LRMDA: variants seen among roughly 807,000 people sequenced by gnomAD.
LRMDA encodes the protein leucine-rich melanocyte differentiation-associated protein.
A neutral mutation model predicts 29.8 loss-of-function variants in LRMDA; 18 were observed. That is an observed-to-expected ratio of 0.60 (90% CI 0.42 to 0.90). The LOEUF is 0.90. Ranked by LOEUF, LRMDA falls within the 40% of genes least tolerant of loss-of-function variation. The probability of loss-of-function intolerance (pLI) is 0.00; values close to 1 mark genes in which losing one functional copy is unlikely to be tolerated. For synonymous variants in LRMDA, 125 were observed against 109.4 expected (o/e 1.14, Z -0.89); for missense variants, 273 against 273.9 (o/e 1.00, Z 0.02).
chr10:75,526,867 AAAAAAC>A, intron 2 of LRMDA, among the ~76,000 whole-genome samples: 1 of 152,168 alleles, frequency 6.6e-6, no homozygotes, highest in African/African-American at 2.4e-5. Flanking sequence ...TCAAAAAAAA[AAAAAAC>A]AAAACATAAT....
intron 5 of LRMDA, among the ~76,000 whole-genome samples, chr10:76,177,560 C>A (rs1850962538): frequency 6.6e-6 from 1 of 152,164 alleles, no homozygotes; most frequent in African/African-American, 2.4e-5. Flanking sequence ...AAAATTAAAT[C>A]TTCTTTATCA....
At chr10:76,519,192 A>T (rs1049443067) in intron 6 of LRMDA, among the ~76,000 whole-genome samples, 19 of 151,764 alleles carry the variant, frequency 1.3e-4, no homozygotes, top group South Asian at 4.2e-4. Flanking sequence ...CTCAAAAAAA[A>T]TTTTTTTTTG....
intron 5 of LRMDA, among the ~76,000 whole-genome samples, chr10:76,100,485 G>A (rs531746234): frequency 6.6e-6 from 1 of 152,254 alleles, no homozygotes; most frequent in South Asian, 2.1e-4. Flanking sequence ...CAGTGTGCAG[G>A]CAGGTCGGAG....
intron 5 of LRMDA, chr10:76,260,778 T>G (rs1212633812): frequency 6.6e-6 from 1 of 152,216 alleles, no homozygotes; most frequent in Non-Finnish European, 1.5e-5. Flanking sequence ...AACTATGTTT[T>G]CTGCACCCTT....
At chr10:76,535,437 A>C (rs1457807178) in intron 6 of LRMDA, among the ~76,000 whole-genome samples, 1 of 136,998 alleles carries the variant, frequency 7.3e-6, no homozygotes, top group African/African-American at 2.9e-5. Flanking sequence ...AAATGATCAT[A>C]ATCTTTTGTT....
chr10:75,680,266 T>C (rs916925525), intron 2 of LRMDA, among the ~76,000 whole-genome samples: 10 of 152,122 alleles, frequency 6.6e-5, no homozygotes, highest in Admixed American at 4.6e-4. Flanking sequence ...GGAGTAACAG[T>C]AGGATGCTGG....
chr10:75,929,318 T>C (rs1286120549), intron 2 of LRMDA, among the ~76,000 whole-genome samples: 1 of 152,100 alleles, frequency 6.6e-6, no homozygotes, highest in African/African-American at 2.4e-5. Flanking sequence ...TGTGTGTAAA[T>C]GAATGCGTTT....
chr10:75,952,119 C>A (rs991901770), intron 2 of LRMDA, among the ~76,000 whole-genome samples: 8 of 152,194 alleles, frequency 5.3e-5, no homozygotes, highest in African/African-American at 9.6e-5. Context: ...CCCTGGGGTC[C>A]CCTCAGCCCC....
At chr10:76,523,781 A>G (rs181844211) in intron 6 of LRMDA, among the ~76,000 whole-genome samples, 2 of 152,100 alleles carry the variant, frequency 1.3e-5, no homozygotes, top group Admixed American at 1.3e-4. Context: ...GTTTTTCCCT[A>G]TTTCTGGTTT....
rs1842977668 is a variant in LRMDA, at chr10:75,752,207, T to TC, written c.132-283800dup. 2.1e-5 allele frequency among the ~76,000 whole-genome samples: 3 copies of TC among 146,170 alleles called. No homozygotes were observed. The South Asian group carries it at 6.5e-4, about 32-fold the overall frequency. On this transcript the variant is annotated intron_variant, in intron 2 of 6. Transcript: ENST00000611255. ...TATTATGGGAGTGATATAACGTGTC[T>TC]CTTTTTTTTTTTTTTTTTTTTTTGA...
intron 5 of LRMDA, among the ~76,000 whole-genome samples, chr10:76,214,210 C>T (rs1203244473): frequency 6.6e-6 from 1 of 151,924 alleles, no homozygotes; most frequent in Non-Finnish European, 1.5e-5. Flanking sequence ...AGTCACATAA[C>T]GTTGTAAAAA....
intron 6 of LRMDA, among the ~76,000 whole-genome samples, chr10:76,524,926 C>A (rs1477785473): frequency 6.6e-6 from 1 of 152,068 alleles, no homozygotes; most frequent in African/African-American, 2.4e-5. Context: ...AGCATGGGGT[C>A]TTAGAAAATA....
chr10:75,539,162 CTTTAAGGGTCATCTTTA>C (rs1839986644), intron 2 of LRMDA, among the ~76,000 whole-genome samples: 1 of 152,114 alleles, frequency 6.6e-6, no homozygotes, highest in African/African-American at 2.4e-5. Flanking sequence ...AAAAGCTTTC[CTTTAAGGGTCATCTTTA>C]TTTTTCTGGT....
At chr10:76,441,523 C>T (rs959244578) in intron 6 of LRMDA, among the ~76,000 whole-genome samples, 1 of 152,256 alleles carries the variant, frequency 6.6e-6, no homozygotes, top group African/African-American at 2.4e-5. Flanking sequence ...CTAAGAACAA[C>T]AACAAATACA....
chr10:75,930,238 T>C (rs1170474733), intron 2 of LRMDA, among the ~76,000 whole-genome samples: 1 of 152,146 alleles, frequency 6.6e-6, no homozygotes, highest in Non-Finnish European at 1.5e-5. Flanking sequence ...TCAATCACTG[T>C]TTAGGAATTT....
At chr10:75,858,537 G>A (rs1844866600) in intron 2 of LRMDA, among the ~76,000 whole-genome samples, 1 of 152,198 alleles carries the variant, frequency 6.6e-6, no homozygotes, top group African/African-American at 2.4e-5. Flanking sequence ...CCTTGACCAA[G>A]TCACATGCCA....
chr10:75,877,707 C>T (rs1229578306), intron 2 of LRMDA, among the ~76,000 whole-genome samples: 3 of 152,186 alleles, frequency 2.0e-5, no homozygotes, highest in African/African-American at 7.2e-5. Context: ...AATGTGCCAC[C>T]TTCCTTAGTA....
chr10:75,949,979 T>C (rs1037593105), intron 2 of LRMDA, among the ~76,000 whole-genome samples: 1 of 152,234 alleles, frequency 6.6e-6, no homozygotes, highest in African/African-American at 2.4e-5. Context: ...CAGAGAACTC[T>C]AGGTCCTTCC....
At chr10:75,982,344 T>A (rs933078316) in intron 2 of LRMDA, among the ~76,000 whole-genome samples, 1 of 152,052 alleles carries the variant, frequency 6.6e-6, no homozygotes, top group Non-Finnish European at 1.5e-5. Flanking sequence ...ACTTCTGGGG[T>A]GCCTAGTGGG....
Sources: allele counts gnomAD v4.1 joint callset (sites outside exome capture counted in the v4.1 genomes callset), GRCh38; gene constraint gnomAD v4.1.1; transcripts MANE v1.5; gene names NCBI Gene and HGNC (gene_info 2026-07-23, HGNC 2026-07-21).